TLN2: variants seen among roughly 807,000 people sequenced by gnomAD.
TLN2 encodes the protein talin-2.
Under a neutral mutation model 294.7 loss-of-function variants are expected in TLN2, and 118 were observed. The ratio of observed to expected loss-of-function variants is 0.40; its 90% CI spans 0.34 to 0.47. The LOEUF (loss-of-function observed/expected upper bound fraction) is 0.47. TLN2 is among the 20% of genes least tolerant of loss of function. The probability of loss-of-function intolerance (pLI) is 0.84; values close to 1 mark genes in which losing one functional copy is unlikely to be tolerated. For missense variants in TLN2, 3,083 were observed against 3,282.2 expected (o/e 0.94, Z 1.48); for synonymous variants, 1,431 against 1,304.5 (o/e 1.10, Z -2.09).
chr15:62,679,237 A>G (rs147179948), intron 11 of TLN2, among the ~76,000 whole-genome samples: 4 of 152,322 alleles, frequency 2.6e-5, no homozygotes, highest in African/African-American at 9.6e-5. Context: ...GATTAAACAT[A>G]GAAATACCGT....
At chr15:62,419,881 T>C (rs1176640557) in intron 1 of TLN2, among the ~76,000 whole-genome samples, 1 of 152,110 alleles carries the variant, frequency 6.6e-6, no homozygotes, top group Non-Finnish European at 1.5e-5. Flanking sequence ...CACCTTGGCC[T>C]CCCAAGGTGC....
At chr15:62,794,487 C>T (rs982624913) in intron 46 of TLN2, among the ~76,000 whole-genome samples, 3 of 152,176 alleles carry the variant, frequency 2.0e-5, no homozygotes, top group African/African-American at 7.2e-5. Flanking sequence ...TTTCTTTCAC[C>T]TTGGCTAAGA....
intron 1 of TLN2, among the ~76,000 whole-genome samples, chr15:62,494,090 G>C (rs979537146): frequency 6.6e-6 from 1 of 152,168 alleles, no homozygotes; most frequent in African/African-American, 2.4e-5. Context: ...GAGACTGGCT[G>C]TGGTAGTTTT....
chr15:62,541,220 C>T (rs1317003098), intron 1 of TLN2, among the ~76,000 whole-genome samples: 1 of 152,032 alleles, frequency 6.6e-6, no homozygotes, highest in Non-Finnish European at 1.5e-5. Context: ...TTAAAAGGTT[C>T]CATAACAACA....
intron 2 of TLN2, 74 bp downstream of exon 2, chr15:62,589,836 G>A (rs755821187): frequency 6.6e-6 from 1 of 152,134 alleles, no homozygotes; most frequent in Non-Finnish European, 1.5e-5. Flanking sequence ...TTTGTAAAGT[G>A]TTAAAACTGC....
At chr15:62,556,708 C>T (rs910032134) in intron 1 of TLN2, among the ~76,000 whole-genome samples, 3 of 152,122 alleles carry the variant, frequency 2.0e-5, no homozygotes, top group African/African-American at 7.2e-5. Context: ...ACTGCTACTG[C>T]CTTCTTTTGA....
Position 62,783,749 on chromosome 15 carries a change from C to T in TLN2, c.5617-22C>T, listed in dbSNP as rs944016305. On this transcript the variant is annotated intron_variant, in intron 44 of 58. Transcript: ENST00000636159. ...TGTGTGTGTGTGTGTGTGTGTGTGT[C>T]TTGCTTGTTTTCTTTTTCCAGATGA... 4.5e-6 allele frequency: 7 copies of T among 1,559,652 alleles called. No homozygotes were observed. The African/African-American group carries it at 8.2e-5, about 18-fold the overall frequency.
intron 1 of TLN2, among the ~76,000 whole-genome samples, chr15:62,563,441 T>A (rs1477733647): frequency 6.6e-6 from 1 of 152,158 alleles, no homozygotes; most frequent in Non-Finnish European, 1.5e-5. Context: ...TTGATGGGCT[T>A]ATTTGTTTTC....
intron 4 of TLN2, among the ~76,000 whole-genome samples, chr15:62,649,735 C>A (rs1217576268): frequency 2.0e-5 from 3 of 152,134 alleles, no homozygotes; most frequent in African/African-American, 7.2e-5. Flanking sequence ...TTGTCATTCT[C>A]CATGGGATGT....
intron 1 of TLN2, among the ~76,000 whole-genome samples, chr15:62,573,037 C>A (rs1309623827): frequency 6.6e-6 from 1 of 152,208 alleles, no homozygotes; most frequent in African/African-American, 2.4e-5. Context: ...CCCCTGCAGG[C>A]CAACCCGTAA....
chr15:62,531,893 G>A (rs1380860472), intron 1 of TLN2, among the ~76,000 whole-genome samples: 3 of 152,132 alleles, frequency 2.0e-5, no homozygotes, highest in East Asian at 3.9e-4. Flanking sequence ...AGAGCCTCGG[G>A]TGAGCCTCCT....
In TLN2 at chr15:62,664,151, T is replaced by A. The variant is rs1169199081; in HGVS notation, c.788+6253T>A. On this transcript the variant is annotated intron_variant, in intron 9 of 58. Coordinates refer to ENST00000636159, the MANE Select transcript of TLN2 (RefSeq NM_015059.3). ...GAAAAGACCTCATCAAGAATAAAGCTCCAAACTGGAAAAAGAAATTTGCAT... is the reference window on the plus strand; with the variant it reads ...GAAAAGACCTCATCAAGAATAAAGCACCAAACTGGAAAAAGAAATTTGCAT... Among the ~76,000 whole-genome samples, 3 of 151,528 alleles carry A rather than the reference T, an allele frequency of 2.0e-5. No homozygotes were observed. The East Asian group carries it at 5.8e-4, about 29-fold the overall frequency.
chr15:62,826,112 C>T (rs1489071276), intron 54 of TLN2, among the ~76,000 whole-genome samples: 3 of 151,332 alleles, frequency 2.0e-5, no homozygotes, highest in African/African-American at 7.3e-5. Flanking sequence ...TTCACAGACA[C>T]AGAAAGGGGG....
intron 4 of TLN2, 153 bp from the exon 5 acceptor site, chr15:62,649,931 C>T: frequency 4.3e-6 from 3 of 691,610 alleles, no homozygotes; most frequent in Non-Finnish European, 7.5e-6. Context: ...CTGCTCCAGC[C>T]CTGATGGCTG....
intron 50 of TLN2, among the ~76,000 whole-genome samples, chr15:62,801,628 C>G (rs1345904795): frequency 6.6e-6 from 1 of 152,152 alleles, no homozygotes; most frequent in African/African-American, 2.4e-5. Flanking sequence ...GTTTTCTTGT[C>G]ATATCATTAA....
At chr15:62,821,394 A>G (rs920392568) in intron 54 of TLN2, among the ~76,000 whole-genome samples, 5 of 152,228 alleles carry the variant, frequency 3.3e-5, no homozygotes, top group African/African-American at 1.2e-4. Flanking sequence ...CCAAGGACCC[A>G]GATATACTAG....
At chr15:62,466,209 C>CCTCT (rs1285305893) in intron 1 of TLN2, among the ~76,000 whole-genome samples, 1 of 152,190 alleles carries the variant, frequency 6.6e-6, no homozygotes, top group African/African-American at 2.4e-5. Context: ...AACAGGCCAA[C>CCTCT]CTCTCTGTTT....
rs186273318 is a variant in TLN2 at position 62,420,590 on chromosome 15, G to T, written c.-238+29905G>T. On this transcript the variant is annotated intron_variant, in intron 1 of 58. Transcript: ENST00000636159. Reference sequence around the variant, plus strand: ...TTGTATTTTTAGTAGAGACTGTGTGGCAGGCCAGGTCTCACTAACAACTAT... The same window carrying T: ...TTGTATTTTTAGTAGAGACTGTGTGTCAGGCCAGGTCTCACTAACAACTAT... Among the ~76,000 whole-genome samples, 5 of 152,238 alleles carry T rather than the reference G, an allele frequency of 3.3e-5. No individual in the cohort carries two copies. The East Asian group carries it at 7.7e-4, about 24-fold the overall frequency.
At chr15:62,743,418 A>C (rs80353968) in intron 32 of TLN2, among the ~76,000 whole-genome samples, 2,316 of 152,194 alleles carry the variant, frequency 0.015, 55 homozygotes, top group African/African-American at 0.051. Flanking sequence ...TGGAGAAAAA[A>C]GTAGAGGATG....
Sources: gnomAD v4.1 joint callset for allele counts (sites outside exome capture counted in the v4.1 genomes callset) on GRCh38, gnomAD v4.1.1 for gene constraint, MANE v1.5 for transcripts, NCBI Gene and HGNC (gene_info 2026-07-23, HGNC 2026-07-21) for gene names.